Variants in IRF8 observed in about 807,000 individuals in gnomAD.
IRF8 encodes the protein interferon consensus sequence binding protein 1.
Under a neutral mutation model 48.7 loss-of-function variants are expected in IRF8, and 14 were observed. That is an observed-to-expected ratio of 0.29 (90% CI 0.19 to 0.45). The LOEUF is 0.45. IRF8 is among the 20% of genes least tolerant of loss of function. The pLI is 1.00. For synonymous variants in IRF8, 278 were observed against 227.3 expected (o/e 1.22, Z -2.01); for missense variants, 493 against 580.7 (o/e 0.85, Z 1.55).
intron 1 of IRF8, chr16:85,902,542 G>C (rs541436052): frequency 1.3e-5 from 3 of 225,150 alleles, no homozygotes; most frequent in African/African-American, 6.7e-5. Flanking sequence ...CAGACGGCAC[G>C]GACGCAGTAT....
In IRF8 at chr16:85,921,533, CT is replaced by C; in HGVS notation, c.*254del. 1 of 521,842 alleles carries C rather than the reference CT, an allele frequency of 1.9e-6. No homozygotes were observed. Among genetic ancestry groups the C allele is most frequent in the Non-Finnish European group, 3.5e-6 (1 of 288,144 alleles). The allele number at this position is 521,842 out of a possible 1,614,324, so 32.3% of individuals were successfully genotyped here. A position where few individuals can be genotyped will look rare whatever the true frequency, so the allele number is the denominator to read the frequency against. On this transcript the variant is annotated 3_prime_UTR_variant, in exon 9 of 9. Transcript: ENST00000268638. ...GTGGCTAAAAATTTTATTTTCTATC[CT>C]TTACCCGTCATTATCATTAGTTGCT...
At position 85,918,445 on chromosome 16, in the gene IRF8, C is replaced by T. The variant is rs1905396805; in HGVS notation, c.630C>T (p.Tyr210=). The change falls in exon 7 of 9, where the codon TAC becomes TAT. Residue 210 remains tyrosine (Y), a synonymous_variant. Transcript: ENST00000268638. ...TCTCCCAGATGGTGATCAGCTTCTA[C>T]TATGGGGGCAAGCTGGTGGGCCAGG... ...SAFSQMVISF[Y]YGGKLVGQAT... is the part of the protein sequence containing the mutation. 2 of 1,593,932 alleles carry T rather than the reference C, an allele frequency of 1.3e-6. No individual in the cohort carries two copies. Among genetic ancestry groups the T allele is most frequent in the Non-Finnish European group, 8.5e-7 (1 of 1,177,456 alleles).
intron 5 of IRF8, among the ~76,000 whole-genome samples, chr16:85,913,800 C>T (rs925796415): frequency 1.8e-4 from 28 of 152,212 alleles, no homozygotes; most frequent in African/African-American, 6.3e-4. Flanking sequence ...CCAGGACTTG[C>T]GCCATGGGGT....
intron 2 of IRF8, among the ~76,000 whole-genome samples, chr16:85,904,812 C>CTTTTTTTTTTTTTTTTTTTTTTTT (rs1177860791): frequency 5.2e-4 from 46 of 87,626 alleles, no homozygotes; most frequent in South Asian, 8.0e-4. Context: ...GATTGCAGAT[C>CTTTTTTTTTTTTTTTTTTTTTTTT]TTTTTTTTTT....
chr16:85,900,114 A>G (rs1904782643), intron 1 of IRF8, among the ~76,000 whole-genome samples: 1 of 152,338 alleles, frequency 6.6e-6, no homozygotes, highest in South Asian at 2.1e-4. Context: ...GGTTGGTGCC[A>G]GAGAGAGAAA....
intron 6 of IRF8, 91 bp from the exon 7 acceptor site, chr16:85,918,326 C>G: frequency 7.0e-7 from 1 of 1,421,534 alleles, no homozygotes; most frequent in Non-Finnish European, 9.5e-7. Flanking sequence ...AAAGAGTTAC[C>G]CGTGTAGGTG....
At chr16:85,913,294 C>G (rs762794168) in intron 5 of IRF8, 58 bp downstream of exon 5, 2 of 1,242,442 alleles carry the variant, frequency 1.6e-6, no homozygotes, top group Non-Finnish European at 2.4e-6. Context: ...TTACGGCATT[C>G]CACCAGCCAG....
intron 6 of IRF8, among the ~76,000 whole-genome samples, chr16:85,915,279 A>G (rs996248406): frequency 4.6e-5 from 7 of 152,226 alleles, no homozygotes; most frequent in African/African-American, 1.7e-4. Flanking sequence ...AAGCTGGGGC[A>G]TCTTCCAGCA....
intron 3 of IRF8, among the ~76,000 whole-genome samples, chr16:85,910,604 A>G (rs1905114726): frequency 6.6e-6 from 1 of 152,178 alleles, no homozygotes; most frequent in Non-Finnish European, 1.5e-5. Context: ...CAACTTGTTT[A>G]TAGCATGGGG....
rs1905078228 is a variant in IRF8, at chr16:85,909,151, T to C, written c.336T>C (p.Ile112=). 6.2e-7 allele frequency: 1 copy of C among 1,614,184 alleles called. No individual in the cohort carries two copies. Among genetic ancestry groups the C allele is most frequent in the Non-Finnish European group, 8.5e-7 (1 of 1,180,026 alleles). Residue 112 remains isoleucine (I), a synonymous_variant, in exon 3 of 9, where the codon ATT becomes ATC. Coordinates refer to ENST00000268638, the MANE Select transcript of IRF8 (RefSeq NM_002163.4). The part of the protein sequence containing the change: ...DISEPYKVYR[I]VPEEEQKCKL... ...CCGAGCCATACAAAGTTTACCGAAT[T>C]GTTCCTGAGGAAGAGCAAAAATGTA... is the stretch of plus-strand genomic sequence containing the variant.
Position 85,918,704 on chromosome 16 carries a change from G to A in IRF8, c.889G>A (p.Val297Met). The A allele has an allele frequency of 1.2e-6, 2 of 1,612,410 alleles. No individual in the cohort carries two copies. Among genetic ancestry groups the A allele is most frequent in the South Asian group, 1.1e-5 (1 of 91,062 alleles). The part of the protein sequence containing the change: ...VFVKRLCQGR[V>M]FCSGNAVVCK... The stretch of plus-strand genomic sequence containing the variant: ...CGTCAAGCGGCTGTGCCAGGGCCGC[G>A]TGTTCTGCAGCGGCAACGCCGTGGT... The change falls in exon 7 of 9, where the codon GTG becomes ATG. Residue 297 changes from valine to methionine, a missense_variant. Transcript: ENST00000268638.
At chr16:85,917,026 A>G (rs1325799020) in intron 6 of IRF8, among the ~76,000 whole-genome samples, 2 of 152,194 alleles carry the variant, frequency 1.3e-5, no homozygotes, top group African/African-American at 4.8e-5. Context: ...CATGGCTGGA[A>G]ATGGAGCCCG....
In IRF8 at chr16:85,911,470, T is replaced by C. The variant is rs2292980; in HGVS notation, c.359-100T>C. The C allele has an allele frequency of 0.35, 355,067 of 1,007,118 alleles. 64,415 individuals are homozygous for C. Among genetic ancestry groups the C allele is most frequent in the African/African-American group, 0.49 (30,725 of 63,276 alleles). The allele number at this position is 1,007,118 out of a possible 1,614,324, so 62.4% of individuals were successfully genotyped here. On this transcript the variant is annotated intron_variant, in intron 3 of 8. Transcript: ENST00000268638. ...CCAATGAAGACACTCACTAACTTAA[T>C]GTTTCCTTAAACTCAGCATTTACAG...
At chr16:85,904,466 A>G (rs1425874741) in intron 2 of IRF8, among the ~76,000 whole-genome samples, 1 of 152,194 alleles carries the variant, frequency 6.6e-6, no homozygotes, top group Non-Finnish European at 1.5e-5. Flanking sequence ...TGGACCATAA[A>G]TAGGTCAAAG....
chr16:85,904,870 T>C lies in IRF8; in HGVS notation c.174+1681T>C, dbSNP rs146955022. Among the ~76,000 whole-genome samples the C allele has an allele frequency of 9.6e-3, 1,384 of 143,996 alleles. 17 individuals are homozygous for C. Among genetic ancestry groups the C allele is most frequent in the Middle Eastern group, 0.047 (13 of 278 alleles). The allele number at this position is 143,996 out of a possible 152,430, so 94.5% of individuals were successfully genotyped here. On this transcript the variant is annotated intron_variant, in intron 2 of 8. Transcript: ENST00000268638. ...ATGGTGAACTTCTCTTGGGAAGGACTGCAAATGTAAACAGTGCCAGAGTCC... is the reference window on the plus strand; with the variant it reads ...ATGGTGAACTTCTCTTGGGAAGGACCGCAAATGTAAACAGTGCCAGAGTCC...
chr16:85,918,247 A>T (rs575463791), intron 6 of IRF8, 170 bp from the exon 7 acceptor site: 1 of 689,486 alleles, frequency 1.5e-6, no homozygotes, highest in South Asian at 2.0e-5. Context: ...TTATTCATGC[A>T]TATAAAAACA....
intron 4 of IRF8, among the ~76,000 whole-genome samples, chr16:85,912,263 T>C (rs191582868): frequency 7.9e-5 from 12 of 152,380 alleles, no homozygotes; most frequent in Admixed American, 2.6e-4. Context: ...ATTTCAGCTA[T>C]TGGGATGCCC....
chr16:85,921,304 C>T lies in IRF8; in HGVS notation c.*22C>T, dbSNP rs755683105. On this transcript the variant is annotated 3_prime_UTR_variant, in exon 9 of 9. Coordinates refer to ENST00000268638, the MANE Select transcript of IRF8 (RefSeq NM_002163.4). ...CTAAGTGCGTCGCTTGGGCGCCCCA[C>T]CCCGTCTGCGTCCTGCATCCATCTC... The T allele has an allele frequency of 3.0e-5, 48 of 1,610,528 alleles. No individual in the cohort carries two copies. The Admixed American group carries it at 7.8e-4, about 26-fold the overall frequency.
Position 85,920,239 on chromosome 16 carries a change from CTTTTTTTTTTTTTT to C in IRF8, c.1104+27_1104+40del, listed in dbSNP as rs10604224. ...TTCTCGTGCAGGTAAGTATGGGCAG[CTTTTTTTTTTTTTT>C]TTTTTTTTTTTGAGATGGAGTCTTG... On this transcript the variant is annotated intron_variant, in intron 8 of 8. Coordinates refer to ENST00000268638, the MANE Select transcript of IRF8 (RefSeq NM_002163.4). 4 of 485,970 alleles carry C rather than the reference CTTTTTTTTTTTTTT, an allele frequency of 8.2e-6. No homozygotes were observed. The highest frequency in any genetic ancestry group is 5.6e-5 in the East Asian group (1 of 18,004). The allele number at this position is 485,970 out of a possible 1,614,324, so 30.1% of individuals were successfully genotyped here. A position where few individuals can be genotyped will look rare whatever the true frequency, so the allele number is the denominator to read the frequency against.
Sources: allele counts gnomAD v4.1 joint callset (sites outside exome capture counted in the v4.1 genomes callset), GRCh38; gene constraint gnomAD v4.1.1; transcripts MANE v1.5; gene names NCBI Gene and HGNC (gene_info 2026-07-23, HGNC 2026-07-21).